The following FASN variants were observed in gnomAD, a reference collection of about 807,000 sequenced individuals.
FASN encodes the protein 3-hydroxyacyl-[acyl-carrier-protein] dehydratase.
In FASN, 50 loss-of-function variants were observed where a neutral mutation model predicts 250.0. That is an observed-to-expected ratio of 0.20 (90% CI 0.16 to 0.25). The LOEUF (loss-of-function observed/expected upper bound fraction) is 0.25. Among genes scored for constraint, FASN ranks in the 10% least tolerant of loss-of-function variants. The pLI, the probability that FASN is intolerant of heterozygous loss-of-function variation, is 1.00. For synonymous variants in FASN, 1,909 were observed against 1,584.0 expected, an observed-to-expected ratio of 1.21 and a Z score of -4.87; for missense variants, 3,031 against 3,498.5, an observed-to-expected ratio of 0.87 and a Z score of 3.37.
chr17:82,096,300 G>T lies in FASN; in HGVS notation c.127+19C>A. 1 of 1,611,280 alleles carries T rather than the reference G, an allele frequency of 6.2e-7. No homozygotes were observed. The highest frequency in any genetic ancestry group is 8.5e-7 in the Non-Finnish European group (1 of 1,179,866). On this transcript the variant is annotated intron_variant, in intron 2 of 42. Transcript: ENST00000306749. ...TGGAGCTTCACACCCCAGGCACGGGGAGCCCCGCAGCCACATACCCGCCTT... is the reference window on the plus strand; with the variant it reads ...TGGAGCTTCACACCCCAGGCACGGGTAGCCCCGCAGCCACATACCCGCCTT...
chr17:82,082,207 C>G (rs1218492452), intron 35 of FASN, 47 bp from the exon 36 acceptor site: 1 of 1,600,898 alleles, frequency 6.2e-7, no homozygotes, highest in Non-Finnish European at 8.5e-7. Flanking sequence ...CCCCAGGAGC[C>G]CCCAACGTCC....
rs2144789614 is a variant in FASN at position 82,085,218 on chromosome 17, G to A, written c.4287+20C>T. 1 of 1,612,246 alleles carries A rather than the reference G, an allele frequency of 6.2e-7. No individual in the cohort carries two copies. Among genetic ancestry groups the A allele is most frequent in the Middle Eastern group, 1.7e-4 (1 of 6,060 alleles). On this transcript the variant is annotated intron_variant, in intron 24 of 42. Coordinates refer to ENST00000306749, the MANE Select transcript of FASN (RefSeq NM_004104.5). ...AAGTTGGGAGGTGGGGTGGGGCCTGGAGGTGGGGCAGGGCCTGACCTTCAG... is the reference window on the plus strand; with the variant it reads ...AAGTTGGGAGGTGGGGTGGGGCCTGAAGGTGGGGCAGGGCCTGACCTTCAG...
rs1140616 is a variant in FASN, at chr17:82,081,605, G to A, written c.6402C>T (p.Ile2134=). The change falls in exon 37 of 43, where the codon ATC becomes ATT. Residue 2134 remains isoleucine (I), a synonymous_variant. Transcript: ENST00000306749. ...QRDLVEAVAH[I]LGIRDLAAVN... is the part of the protein sequence containing the mutation. ...GCTCCTACTGGGAGTGCTCACCCAGGATGTGTGCCACGGCCTCCACCAGGT... is the reference window on the plus strand; with the variant it reads ...GCTCCTACTGGGAGTGCTCACCCAGAATGTGTGCCACGGCCTCCACCAGGT... The A allele has an allele frequency of 0.49, 782,799 of 1,611,950 alleles. 199,227 individuals carry two copies. Among genetic ancestry groups the A allele is most frequent in the Non-Finnish European group, 0.54 (634,281 of 1,179,850 alleles).
chr17:82,091,707 G>A (rs1472882350), intron 8 of FASN, 23 bp from the exon 9 acceptor site: 4 of 1,543,116 alleles, frequency 2.6e-6, no homozygotes, highest in African/African-American at 2.7e-5. Flanking sequence ...GTGGTGGATG[G>A]GCAGCCGCCC....
chr17:82,082,479 C>T (rs559209225), intron 34 of FASN, 48 bp downstream of exon 34: 11 of 1,611,316 alleles, frequency 6.8e-6, no homozygotes, highest in East Asian at 2.2e-5. Flanking sequence ...CAGGGTCCCC[C>T]CCTTGGTCTT....
At chr17:82,093,988 G>T in intron 3 of FASN, 1 of 617,960 alleles carries the variant, frequency 1.6e-6, no homozygotes, top group Non-Finnish European at 2.9e-6. Context: ...GCCCAGGTGA[G>T]GCCTGGAACA....
Position 82,081,286 on chromosome 17 carries a change from A to G in FASN, c.6473T>C (p.Met2158Thr). 6.4e-7 allele frequency: 1 copy of G among 1,562,784 alleles called. No individual in the cohort carries two copies. Among genetic ancestry groups the G allele is most frequent in the Non-Finnish European group, 8.7e-7 (1 of 1,153,720 alleles). Residue 2158 changes from methionine to threonine, a missense_variant, in exon 38 of 43, where the codon ATG (methionine) becomes ACG (threonine). Transcript: ENST00000306749. Reference sequence around the variant, plus strand: ...CAGCGTCTGGCGCACCTCCACGCTCATGAGCGAGTCCAGGCCCAGGTCCGC... The same window carrying G: ...CAGCGTCTGGCGCACCTCCACGCTCGTGAGCGAGTCCAGGCCCAGGTCCGC... ...SLADLGLDSL[M>T]SVEVRQTLER...
chr17:82,092,317 T>C (rs2034225708), intron 8 of FASN, 138 bp downstream of exon 8: 3 of 927,346 alleles, frequency 3.2e-6, no homozygotes, highest in South Asian at 1.5e-5. Flanking sequence ...ACCTGCAGCA[T>C]AGCCCGGGGG....
In FASN at chr17:82,085,360, C is replaced by G. The variant is rs1022823501; in HGVS notation, c.4165G>C (p.Val1389Leu). The change falls in exon 24 of 43, where the codon GTG becomes CTG. Residue 1389 changes from valine (V) to leucine (L), a missense_variant. By Grantham distance (32) the Val-to-Leu change is conservative (BLOSUM62 1). Coordinates refer to ENST00000306749, the MANE Select transcript of FASN (RefSeq NM_004104.5). The part of the protein sequence containing the change: ...SLFSRVSLRL[V>L]GLKKSFYGST... ...CCGTAGAAGGACTTCTTCAGGCCCA[C>G]CAGGCGCAGCGACACCCTGGAGAAG... The G allele has an allele frequency of 1.2e-6, 2 of 1,611,458 alleles. No homozygotes were observed. The highest frequency in any genetic ancestry group is 1.7e-6 in the Non-Finnish European group (2 of 1,179,572).
rs1316159645 is a variant in FASN at position 82,096,972 on chromosome 17, G to C, written c.-7-520C>G. The C allele has an allele frequency of 1.3e-5, 3 of 239,946 alleles. No homozygotes were observed. The East Asian group carries it at 3.2e-4, about 25-fold the overall frequency. The allele number at this position is 239,946 out of a possible 1,614,324, so 14.9% of individuals were successfully genotyped here. Reference sequence around the variant, plus strand: ...CAAAGCCGGGGCATGGAGGTGGCTGGGAGCCCTAGAGGGGGGTACTCAGCA... The same window carrying C: ...CAAAGCCGGGGCATGGAGGTGGCTGCGAGCCCTAGAGGGGGGTACTCAGCA... On this transcript the variant is annotated intron_variant, in intron 1 of 42. Transcript: ENST00000306749.
In FASN at chr17:82,096,307, G is replaced by A. The variant is rs767161040; in HGVS notation, c.127+12C>T. ...TCACACCCCAGGCACGGGGAGCCCC[G>A]CAGCCACATACCCGCCTTCCAGCGA... On this transcript the variant is annotated intron_variant, in intron 2 of 42. Coordinates refer to ENST00000306749, the MANE Select transcript of FASN (RefSeq NM_004104.5). 3 of 1,611,750 alleles carry A rather than the reference G, an allele frequency of 1.9e-6. No individual in the cohort carries two copies. Among genetic ancestry groups the A allele is most frequent in the South Asian group, 1.1e-5 (1 of 91,090 alleles).
chr17:82,093,701 C>T lies in FASN; in HGVS notation c.351G>A (p.Ser117=), dbSNP rs779301356. The change falls in exon 4 of 43, where the codon TCG becomes TCA. Residue 117 remains serine (S), a synonymous_variant. Transcript: ENST00000306749. ...VWVGVSGSET[S]EALSRDPETL... ...TCTCGGGGTCTCGGCTCAGGGCCTC[C>T]GAGGTCTCAGAGCCGCTCACGCCCA... 7.4e-6 allele frequency: 12 copies of T among 1,612,618 alleles called. No individual in the cohort carries two copies. Among genetic ancestry groups the T allele is most frequent in the African/African-American group, 5.3e-5 (4 of 74,914 alleles).
In FASN at chr17:82,085,407, G is replaced by T. The variant is rs752450681; in HGVS notation, c.4123-5C>A. The T allele has an allele frequency of 2.5e-6, 4 of 1,608,704 alleles. No individual in the cohort carries two copies. The highest frequency in any genetic ancestry group is 1.3e-5 in the African/African-American group (1 of 74,956). On this transcript the variant is annotated splice_polypyrimidine_tract_variant and splice_region_variant and intron_variant, in intron 23 of 42. Coordinates refer to ENST00000306749, the MANE Select transcript of FASN (RefSeq NM_004104.5). ...GAAGAGGCTCTCCCACGCGTCCTGTGGGGGCGGTGGTCAGCACCCTGCCCG... is the reference window on the plus strand; with the variant it reads ...GAAGAGGCTCTCCCACGCGTCCTGTTGGGGCGGTGGTCAGCACCCTGCCCG...
At chr17:82,095,294 G>T in intron 3 of FASN, 26 bp downstream of exon 3, 1 of 1,611,466 alleles carries the variant, frequency 6.2e-7, no homozygotes, top group Non-Finnish European at 8.5e-7. Flanking sequence ...AGCCCTCGGC[G>T]CAGCAGTCGC....
chr17:82,086,107 G>A (rs940143792), intron 22 of FASN, 147 bp downstream of exon 22: 1 of 1,414,064 alleles, frequency 7.1e-7, no homozygotes, highest in Non-Finnish European at 9.5e-7. Flanking sequence ...GACCGCACAG[G>A]ACACGTGCAC....
chr17:82,088,850 C>A lies in FASN; in HGVS notation c.2331G>T (p.Pro777=). Residue 777 remains proline, a synonymous_variant, in exon 15 of 43, where the codon CCG becomes CCT. Coordinates refer to ENST00000306749, the MANE Select transcript of FASN (RefSeq NM_004104.5). Reference sequence around the variant, plus strand: ...TCATCAGGGGGATGATGGTGCAGCTCGGCTTCAGGCCACGCTTCAGGACAG... The same window carrying A: ...TCATCAGGGGGATGATGGTGCAGCTAGGCTTCAGGCCACGCTTCAGGACAG... ...LQAVLKRGLK[P]SCTIIPLMKK... is the part of the protein sequence containing the mutation. 6.2e-6 allele frequency: 10 copies of A among 1,612,550 alleles called. No homozygotes were observed. Among genetic ancestry groups the A allele is most frequent in the Non-Finnish European group, 8.5e-6 (10 of 1,179,812 alleles).
In FASN at chr17:82,091,630, G is replaced by A; in HGVS notation, c.1084C>T (p.Pro362Ser). The change falls in exon 9 of 43, where the codon CCC (proline) becomes TCC (serine). Residue 362 changes from proline (P) to serine (S), a missense_variant. Pro to Ser is a moderately conservative substitution (Grantham distance 74, BLOSUM62 -1). Transcript: ENST00000306749. ...LWAPNLHFHS[P>S]NPEIPALLDG... ...AACAGCGCTGGGATCTCAGGGTTGG[G>A]GCTATGGAAGTGCAGGTTGGGGGCC... The A allele has an allele frequency of 1.3e-6, 2 of 1,597,008 alleles. No individual in the cohort carries two copies. Among genetic ancestry groups the A allele is most frequent in the African/African-American group, 1.3e-5 (1 of 74,930 alleles).
At position 82,091,636 on chromosome 17, in the gene FASN, G is replaced by A. The variant is rs770415638; in HGVS notation, c.1078C>T (p.His360Tyr). 3.1e-6 allele frequency: 5 copies of A among 1,597,070 alleles called. No individual in the cohort carries two copies. Among genetic ancestry groups the A allele is most frequent in the Non-Finnish European group, 4.3e-6 (5 of 1,173,572 alleles). Residue 360 changes from histidine to tyrosine, a missense_variant, in exon 9 of 43, where the codon CAT becomes TAT. Physicochemically the swap from His to Tyr is moderately conservative, Grantham distance 83. Coordinates refer to ENST00000306749, the MANE Select transcript of FASN (RefSeq NM_004104.5). ...HGLWAPNLHF[H>Y]SPNPEIPALL... The stretch of plus-strand genomic sequence containing the variant: ...GCTGGGATCTCAGGGTTGGGGCTAT[G>A]GAAGTGCAGGTTGGGGGCCCAGAGC...
At chr17:82,094,029 G>A (rs971986201) in intron 3 of FASN, 5 of 563,336 alleles carry the variant, frequency 8.9e-6, no homozygotes, top group South Asian at 2.0e-5. Flanking sequence ...ACGAGGCGGA[G>A]GGGGCAGGCG....
Sources: gnomAD v4.1 joint callset for allele counts on GRCh38, gnomAD v4.1.1 for gene constraint, MANE v1.5 for transcripts, NCBI Gene and HGNC (gene_info 2026-07-23, HGNC 2026-07-21) for gene names.